Variants in DOCK5 observed in about 807,000 individuals in gnomAD.
The protein encoded by DOCK5 is dedicator of cytokinesis 5.
A neutral mutation model predicts 251.8 loss-of-function variants in DOCK5; 142 were observed. The ratio of observed to expected loss-of-function variants is 0.56; its 90% CI spans 0.49 to 0.65. The LOEUF (loss-of-function observed/expected upper bound fraction) is 0.65. Among genes scored for constraint, DOCK5 ranks in the 30% least tolerant of loss-of-function variants. DOCK5 has a pLI of 0.00. For synonymous variants in DOCK5, 842 were observed against 835.5 expected (o/e 1.01, Z -0.13); for missense variants, 2,111 against 2,312.3 (o/e 0.91, Z 1.79).
chr8:25,378,339 A>G (rs915991239), intron 38 of DOCK5, among the ~76,000 whole-genome samples: 6 of 152,244 alleles, frequency 3.9e-5, no homozygotes, highest in South Asian at 4.1e-4. Context: ...ACTCAGGACC[A>G]AGACCAGATA....
chr8:25,364,902 A>C, intron 30 of DOCK5, 198 bp downstream of exon 30: 1 of 461,836 alleles, frequency 2.2e-6, no homozygotes. Context: ...TCTTCTTTCT[A>C]TAAAGGTAAC....
At chr8:25,198,538 C>T (rs1386548872) in intron 1 of DOCK5, among the ~76,000 whole-genome samples, 2 of 151,160 alleles carry the variant, frequency 1.3e-5, no homozygotes, top group African/African-American at 4.9e-5. Context: ...TGCCACTGCA[C>T]TCCAACCTGG....
rs142001407 is a variant in DOCK5, at chr8:25,257,852, T to A, written c.128-10993T>A. Among the ~76,000 whole-genome samples the A allele has an allele frequency of 8.5e-5, 13 of 152,298 alleles. No homozygotes were observed. The East Asian group carries it at 1.9e-3, about 23-fold the overall frequency. On this transcript the variant is annotated intron_variant, in intron 2 of 51. Coordinates refer to ENST00000276440, the MANE Select transcript of DOCK5 (RefSeq NM_024940.8). ...AGCATAAGAGTGAGTTGCAGCAAAT[T>A]CATTGCTCCTACTGACAAAACCACA...
chr8:25,239,337 G>GTTTA (rs1169238402), intron 1 of DOCK5, among the ~76,000 whole-genome samples: 1 of 114,446 alleles, frequency 8.7e-6, no homozygotes, highest in African/African-American at 3.6e-5. Context: ...GTGTGTGTGT[G>GTTTA]TGTATGTGTG....
intron 1 of DOCK5, among the ~76,000 whole-genome samples, chr8:25,238,117 T>C (rs1802847985): frequency 6.6e-6 from 1 of 152,232 alleles, no homozygotes; most frequent in Admixed American, 6.5e-5. Context: ...CAGTCACTGA[T>C]GTGTGTGATG....
At chr8:25,267,774 A>G (rs1803801224) in intron 2 of DOCK5, among the ~76,000 whole-genome samples, 1 of 152,168 alleles carries the variant, frequency 6.6e-6, no homozygotes, top group Admixed American at 6.5e-5. Flanking sequence ...AATAGTTAAT[A>G]TAAAAAATCT....
intron 2 of DOCK5, among the ~76,000 whole-genome samples, chr8:25,248,463 C>A (rs1374543902): frequency 6.6e-6 from 1 of 152,022 alleles, no homozygotes. Flanking sequence ...GTATTGTGGC[C>A]CTGGGATTCG....
intron 45 of DOCK5, 177 bp downstream of exon 45, chr8:25,395,896 A>G: frequency 1.2e-6 from 1 of 808,716 alleles, no homozygotes. Context: ...AGAGACTATC[A>G]GCAACCCAGC....
chr8:25,211,216 G>C (rs1406696348), intron 1 of DOCK5, among the ~76,000 whole-genome samples: 1 of 70,598 alleles, frequency 1.4e-5, no homozygotes, highest in African/African-American at 3.2e-5. Context: ...GTGCACATGG[G>C]AGAATTGCTG....
chr8:25,338,657 T>C (rs1805873090), intron 22 of DOCK5, among the ~76,000 whole-genome samples: 1 of 152,136 alleles, frequency 6.6e-6, no homozygotes, highest in South Asian at 2.1e-4. Context: ...TTAAAGTTGT[T>C]TCATTATATT....
chr8:25,243,194 T>C (rs528991930), intron 1 of DOCK5, among the ~76,000 whole-genome samples: 12 of 152,316 alleles, frequency 7.9e-5, no homozygotes, highest in African/African-American at 2.6e-4. Context: ...CAGTTCGTGA[T>C]GTGTAGCAGG....
chr8:25,384,932 C>G (rs1801137374), intron 40 of DOCK5, among the ~76,000 whole-genome samples: 1 of 152,000 alleles, frequency 6.6e-6, no homozygotes, highest in Non-Finnish European at 1.5e-5. Context: ...GACTCCATCT[C>G]AAAATAAAAT....
intron 40 of DOCK5, among the ~76,000 whole-genome samples, chr8:25,385,372 G>A (rs937044304): frequency 2.0e-5 from 3 of 152,148 alleles, no homozygotes; most frequent in Non-Finnish European, 4.4e-5. Flanking sequence ...GGGGGTGGTG[G>A]CTTTACAGAG....
chr8:25,328,295 G>C (rs1197447680), intron 18 of DOCK5, among the ~76,000 whole-genome samples: 1 of 152,096 alleles, frequency 6.6e-6, no homozygotes, highest in South Asian at 2.1e-4. Context: ...GGCAAACCTT[G>C]TCTGAGTCAG....
intron 1 of DOCK5, among the ~76,000 whole-genome samples, chr8:25,211,988 G>T (rs1468731032): frequency 1.5e-5 from 1 of 66,340 alleles, no homozygotes; most frequent in East Asian, 3.3e-4. Flanking sequence ...GTGAATCCCT[G>T]TCTATACTGA....
intron 30 of DOCK5, among the ~76,000 whole-genome samples, chr8:25,366,617 A>G (rs541754038): frequency 6.6e-6 from 1 of 152,336 alleles, no homozygotes; most frequent in East Asian, 1.9e-4. Context: ...AAATAGATAC[A>G]CTTCTTGGCA....
In DOCK5 at chr8:25,210,958, T is replaced by C. The variant is rs1311941652; in HGVS notation, c.43+26007T>C. ...GAGGTTGGGGTAGTTCTTTGTCTACTGGAAACACAATTATCTGTACTCAAA... is the reference window on the plus strand; with the variant it reads ...GAGGTTGGGGTAGTTCTTTGTCTACCGGAAACACAATTATCTGTACTCAAA... On this transcript the variant is annotated intron_variant, in intron 1 of 51. Transcript: ENST00000276440. Among the ~76,000 whole-genome samples the C allele has an allele frequency of 7.2e-5, 5 of 69,702 alleles. 1 individual carries two copies. Among genetic ancestry groups the C allele is most frequent in the African/African-American group, 1.6e-4 (5 of 30,674 alleles). 45.7% of individuals were successfully genotyped at this position (69,702 alleles called of 152,430 possible).
At position 25,341,742 on chromosome 8, in the gene DOCK5, G is replaced by T; in HGVS notation, c.2443G>T (p.Ala815Ser). The T allele has an allele frequency of 1.3e-6, 2 of 1,576,158 alleles. No individual in the cohort carries two copies. Among genetic ancestry groups the T allele is most frequent in the Non-Finnish European group, 8.6e-7 (1 of 1,159,062 alleles). Reference protein sequence around the residue: ...PLEEAVKIKGAALKYLPSIIN... With the variant: ...PLEEAVKIKGSALKYLPSIIN... ...GCCTTTGGTGTTTTTCTTACAGGGG[G>T]CAGCTTTGAAGTACCTTCCTAGCAT... is the stretch of plus-strand genomic sequence containing the variant. The change falls in exon 24 of 52, where the codon GCA becomes TCA. Residue 815 changes from alanine to serine, a missense_variant. Around this residue, in one of 3 missense-constraint regions of DOCK5, gnomAD observed 1,717 missense variants for 1,892.4 expected, o/e 0.91. Transcript: ENST00000276440.
At chr8:25,308,154 T>C (rs1343506762) in intron 11 of DOCK5, among the ~76,000 whole-genome samples, 1 of 152,090 alleles carries the variant, frequency 6.6e-6, no homozygotes, top group Non-Finnish European at 1.5e-5. Flanking sequence ...ATGGAGGCTG[T>C]ATTTGGTTCT....
Sources: gnomAD v4.1 joint callset for allele counts (sites outside exome capture counted in the v4.1 genomes callset) on GRCh38, gnomAD v4.1.1 for gene constraint, gnomAD v4.1.1 regional missense constraint, MANE v1.5 for transcripts, NCBI Gene and HGNC (gene_info 2026-07-23, HGNC 2026-07-21) for gene names.